ZNF485: variants seen among roughly 807,000 people sequenced by gnomAD.
ZNF485 encodes the protein Zinc finger protein 93 (Zinc finger protein HTF34).
Under a neutral mutation model 10.8 loss-of-function variants are expected in ZNF485, and 9 were observed. The observed-to-expected ratio is 0.83, with a 90% CI of 0.50 to 1.45. The LOEUF (loss-of-function observed/expected upper bound fraction) is 1.45, where lower values mean the gene tolerates loss of function less well. Ranked by LOEUF, ZNF485 falls within the 40% of genes most tolerant of loss-of-function variation. ZNF485 has a pLI of 0.00. For missense variants in ZNF485, 487 were observed against 528.0 expected (o/e 0.92, Z 0.76); for synonymous variants, 187 against 181.0 (o/e 1.03, Z -0.27).
At chr10:43,612,762 T>C (rs1216395539) in intron 4 of ZNF485, among the ~76,000 whole-genome samples, 2 of 152,186 alleles carry the variant, frequency 1.3e-5, no homozygotes, top group African/African-American at 4.8e-5. Flanking sequence ...CTTTATTAGC[T>C]CTGTTTTATT....
chr10:43,608,346 G>C (rs528452941), intron 2 of ZNF485, among the ~76,000 whole-genome samples: 1 of 152,292 alleles, frequency 6.6e-6, no homozygotes, highest in South Asian at 2.1e-4. Context: ...CAGAGGATGG[G>C]GTGGAGAAAT....
chr10:43,606,973 T>G (rs1371579243), intron 1 of ZNF485, 24 bp from the exon 2 acceptor site: 10 of 1,539,108 alleles, frequency 6.5e-6, no homozygotes, highest in Non-Finnish European at 8.8e-6. Context: ...AGGGACTTCC[T>G]CAATTTCCTC....
rs1838665688 is a variant in ZNF485 at position 43,607,142 on chromosome 10, C to T, written c.24+68C>T. On this transcript the variant is annotated intron_variant, in intron 2 of 4. Coordinates refer to ENST00000361807, the MANE Select transcript of ZNF485 (RefSeq NM_145312.4). ...GCGAGGTGGGGTTTATGCCTCTTGC[C>T]CGGACAATGCCCTGCCCTGTGTGTG... 2.6e-6 allele frequency: 4 copies of T among 1,528,594 alleles called. No homozygotes were observed. The Admixed American group carries it at 7.8e-5, about 30-fold the overall frequency. 94.7% of individuals were successfully genotyped at this position (1,528,594 alleles called of 1,614,324 possible). A position where few individuals can be genotyped will look rare whatever the true frequency, so the allele number is the denominator to read the frequency against.
At chr10:43,615,180 G>A (rs934214196) in intron 4 of ZNF485, among the ~76,000 whole-genome samples, 4 of 152,116 alleles carry the variant, frequency 2.6e-5, no homozygotes, top group African/African-American at 9.7e-5. Context: ...ATATATGTAT[G>A]TGTATATATC....
rs201767643 is a variant in ZNF485 at position 43,607,050 on chromosome 10, G to C, written c.-1G>C. 878 of 1,551,720 alleles carry C rather than the reference G, an allele frequency of 5.7e-4. 3 individuals are homozygous for C. The highest frequency in any genetic ancestry group is 1.2e-3 in the Middle Eastern group (7 of 5,974). ...GCCTGGGAGAACAGTTCAGGAGACA[G>C]ATGGCCCCAAGAGCCCAGATCCAGG... is the stretch of plus-strand genomic sequence containing the variant. On this transcript the variant is annotated 5_prime_UTR_variant, in exon 2 of 5. Transcript: ENST00000361807.
At chr10:43,614,651 T>C (rs1838823076) in intron 4 of ZNF485, among the ~76,000 whole-genome samples, 1 of 152,174 alleles carries the variant, frequency 6.6e-6, no homozygotes, top group Non-Finnish European at 1.5e-5. Flanking sequence ...TGTGTCATGC[T>C]TTATTTAAAA....
intron 4 of ZNF485, among the ~76,000 whole-genome samples, chr10:43,610,073 A>G (rs1838740528): frequency 1.3e-5 from 2 of 152,302 alleles, no homozygotes; most frequent in Middle Eastern, 3.4e-3. Flanking sequence ...TGCAGATTCC[A>G]AACATAAGCA....
Position 43,614,305 on chromosome 10 carries a change from A to C in ZNF485, c.248-1986A>C, listed in dbSNP as rs545807739. Among the ~76,000 whole-genome samples, 27 of 152,132 alleles carry C rather than the reference A, an allele frequency of 1.8e-4. No individual in the cohort carries two copies. The South Asian group carries it at 4.6e-3, about 26-fold the overall frequency. On this transcript the variant is annotated intron_variant, in intron 4 of 4. Coordinates refer to ENST00000361807, the MANE Select transcript of ZNF485 (RefSeq NM_145312.4). ...ATTTGAAGAGCCTGTTATTGATTAC[A>C]TGTATTGTACCATCCCTCTCTCTGT...
intron 4 of ZNF485, among the ~76,000 whole-genome samples, chr10:43,613,556 C>G (rs1310781690): frequency 2.0e-5 from 3 of 152,234 alleles, no homozygotes; most frequent in Admixed American, 6.5e-5. Context: ...CTTGGAAAAT[C>G]ACTGTTCTAG....
chr10:43,607,929 C>T (rs776335952), intron 2 of ZNF485, among the ~76,000 whole-genome samples: 8 of 152,040 alleles, frequency 5.3e-5, no homozygotes, highest in Non-Finnish European at 1.2e-4. Flanking sequence ...TCTTTAGCTA[C>T]GAAATAGATT....
chr10:43,615,191 T>G (rs370284828), intron 4 of ZNF485, among the ~76,000 whole-genome samples: 27 of 152,326 alleles, frequency 1.8e-4, no homozygotes, highest in South Asian at 1.4e-3. Context: ...TGTATATATC[T>G]TTAGGTATAG....
chr10:43,608,820 T>C (rs1838709766), intron 3 of ZNF485, 80 bp downstream of exon 3: 2 of 1,542,922 alleles, frequency 1.3e-6, no homozygotes, highest in Non-Finnish European at 1.8e-6. Context: ...GTTTGGGGTA[T>C]TGAAAAAATC....
intron 2 of ZNF485, 195 bp downstream of exon 2, chr10:43,607,269 C>G (rs1024651073): frequency 6.1e-6 from 4 of 657,990 alleles, no homozygotes; most frequent in Admixed American, 2.7e-5. Context: ...CCCATGTTTT[C>G]TAGAGTGCTA....
At position 43,607,201 on chromosome 10, in the gene ZNF485, C is replaced by T. The variant is rs1425031337; in HGVS notation, c.24+127C>T. 6 of 1,069,466 alleles carry T rather than the reference C, an allele frequency of 5.6e-6. No homozygotes were observed. In the Admixed American group the frequency reaches 8.1e-5, roughly 14 times the overall value. The allele number at this position is 1,069,466 out of a possible 1,614,324, so 66.2% of individuals were successfully genotyped here. A position where few individuals can be genotyped will look rare whatever the true frequency, so the allele number is the denominator to read the frequency against. On this transcript the variant is annotated intron_variant, in intron 2 of 4. Coordinates refer to ENST00000361807, the MANE Select transcript of ZNF485 (RefSeq NM_145312.4). ...TACCCGAACCAATCCTGGATGGGTC[C>T]CGCGATTTCCGTCCTGTCTACCCAT...
intron 3 of ZNF485, 35 bp downstream of exon 3, chr10:43,608,775 C>A: frequency 6.2e-7 from 1 of 1,603,428 alleles, no homozygotes; most frequent in South Asian, 1.1e-5. Context: ...CAGGATTGGT[C>A]TGCTGGGCAA....
chr10:43,617,278 G>T lies in ZNF485; in HGVS notation c.1235G>T (p.Cys412Phe), dbSNP rs1440928388. ...CATACTGGGGAAAAACCTTATAAAT[G>T]TAATGAATGTGGGAAAGCTTTTCCC... ...RLHTGEKPYK[C>F]NECGKAFPRS... The change falls in exon 5 of 5, where the codon TGT (cysteine) becomes TTT (phenylalanine). Residue 412 changes from cysteine to phenylalanine, a missense_variant. By Grantham distance (205) the Cys-to-Phe change is radical (BLOSUM62 -2). Transcript: ENST00000361807. 1 of 1,611,410 alleles carries T rather than the reference G, an allele frequency of 6.2e-7. No individual in the cohort carries two copies. The highest frequency in any genetic ancestry group is 1.1e-5 in the South Asian group (1 of 90,676).
chr10:43,613,547 T>A (rs1838803362), intron 4 of ZNF485, among the ~76,000 whole-genome samples: 2 of 152,254 alleles, frequency 1.3e-5, no homozygotes, highest in South Asian at 4.1e-4. Flanking sequence ...GAGCCCATGC[T>A]TGGAAAATCA....
At chr10:43,613,833 CA>C (rs1252827013) in intron 4 of ZNF485, among the ~76,000 whole-genome samples, 1 of 152,192 alleles carries the variant, frequency 6.6e-6, no homozygotes, top group East Asian at 1.9e-4. Context: ...TTCCTGTGGT[CA>C]ATCTTGTGAA....
intron 4 of ZNF485, among the ~76,000 whole-genome samples, chr10:43,615,389 C>T (rs1270285410): frequency 6.6e-6 from 1 of 151,564 alleles, no homozygotes; most frequent in East Asian, 1.9e-4. Context: ...CATAGTACAC[C>T]CATTGATTGG....
Sources: gnomAD v4.1 joint callset for allele counts (sites outside exome capture counted in the v4.1 genomes callset) on GRCh38, gnomAD v4.1.1 for gene constraint, MANE v1.5 for transcripts, NCBI Gene and HGNC (gene_info 2026-07-23, HGNC 2026-07-21) for gene names.